RIPOR2: variants seen among roughly 807,000 people sequenced by gnomAD.
The protein encoded by RIPOR2 is RHO family interacting cell polarization regulator 2.
In RIPOR2, 39 loss-of-function variants were observed where a neutral mutation model predicts 114.5. That is an observed-to-expected ratio of 0.34 (90% CI 0.26 to 0.44). RIPOR2 has a LOEUF of 0.44. Ranked by LOEUF, RIPOR2 falls within the 20% of genes least tolerant of loss-of-function variation. RIPOR2 has a pLI of 1.00. For missense variants in RIPOR2, 1,007 were observed against 1,255.1 expected, an observed-to-expected ratio of 0.80 and a Z score of 2.99; for synonymous variants, 445 against 484.4, an observed-to-expected ratio of 0.92 and a Z score of 1.07.
chr6:25,027,251 T>C (rs11970700), intron 1 of RIPOR2, among the ~76,000 whole-genome samples: 2,202 of 152,310 alleles, frequency 0.014, 41 homozygotes, highest in African/African-American at 0.05. Flanking sequence ...TCGATTCACC[T>C]AGCTTTGCTT....
chr6:24,984,560 C>G (rs144116616), intron 1 of RIPOR2, among the ~76,000 whole-genome samples: 2 of 151,480 alleles, frequency 1.3e-5, no homozygotes, highest in African/African-American at 4.9e-5. Context: ...GAGCTGGGCC[C>G]GGTGGTGCAC....
intron 19 of RIPOR2, among the ~76,000 whole-genome samples, chr6:24,819,300 G>T (rs923784872): frequency 1.3e-5 from 2 of 152,046 alleles, no homozygotes; most frequent in South Asian, 4.1e-4. Flanking sequence ...GAGTGCCAGG[G>T]TAAGTTTCAC....
rs1310626563 is a variant in RIPOR2 at position 25,003,422 on chromosome 6, T to TCA, written c.76+38428_76+38429insTG. 1.7e-4 allele frequency among the ~76,000 whole-genome samples: 25 copies of TCA among 147,594 alleles called. No homozygotes were observed. The East Asian group carries it at 2.2e-3, about 13-fold the overall frequency. On this transcript the variant is annotated intron_variant, in intron 1 of 13. Coordinates refer to the RIPOR2 transcript ENST00000510784. ...ATTATTATTATTATTATTATTATTA[T>TCA]TATCATCTCCTTTTTCTTCTTTTCG...
At chr6:24,973,128 CA>C (rs1413011634) in intron 1 of RIPOR2, among the ~76,000 whole-genome samples, 2 of 152,152 alleles carry the variant, frequency 1.3e-5, no homozygotes, top group African/African-American at 4.8e-5. Flanking sequence ...TCTGAATAAA[CA>C]TTTCTCCAAA....
intron 1 of RIPOR2, among the ~76,000 whole-genome samples, chr6:24,959,937 T>A (rs1016903440): frequency 2.0e-5 from 3 of 152,220 alleles, no homozygotes; most frequent in East Asian, 3.9e-4. Flanking sequence ...CTGGTTTTTA[T>A]CTACATTAAA....
At chr6:24,872,286 C>G (rs1482669803) in intron 4 of RIPOR2, among the ~76,000 whole-genome samples, 1 of 152,144 alleles carries the variant, frequency 6.6e-6, no homozygotes, top group African/African-American at 2.4e-5. Flanking sequence ...GTGGTTACTC[C>G]TTTGAGCCTC....
At chr6:24,839,404 A>G in intron 13 of RIPOR2, 132 bp from the exon 14 acceptor site, 1 of 1,437,312 alleles carries the variant, frequency 7.0e-7, no homozygotes, top group Non-Finnish European at 9.2e-7. Flanking sequence ...CATTTAAAAA[A>G]TGCATTTAAA....
At chr6:24,966,833 A>G (rs895751073) in intron 1 of RIPOR2, among the ~76,000 whole-genome samples, 3 of 152,200 alleles carry the variant, frequency 2.0e-5, no homozygotes, top group Non-Finnish European at 4.4e-5. Context: ...AATTAAATAT[A>G]TATTTATGCT....
chr6:24,846,634 A>G (rs1354907392), intron 12 of RIPOR2, among the ~76,000 whole-genome samples: 1 of 151,882 alleles, frequency 6.6e-6, no homozygotes, highest in Non-Finnish European at 1.5e-5. Flanking sequence ...TTCAATGAAA[A>G]CGATGCAATT....
intron 1 of RIPOR2, among the ~76,000 whole-genome samples, chr6:24,896,985 T>A (rs1471387871): frequency 6.6e-6 from 1 of 152,204 alleles, no homozygotes; most frequent in Non-Finnish European, 1.5e-5. Flanking sequence ...GAAGGAATGA[T>A]TTTTAAGAGC....
intron 1 of RIPOR2, among the ~76,000 whole-genome samples, chr6:24,965,265 G>A (rs1773477050): frequency 6.6e-6 from 1 of 151,998 alleles, no homozygotes; most frequent in African/African-American, 2.4e-5. Context: ...AGCTTCATGA[G>A]TAGCTAGGAC....
Position 25,007,248 on chromosome 6 carries a change from C to T in RIPOR2, c.76+34603G>A, listed in dbSNP as rs559573874. Among the ~76,000 whole-genome samples the T allele has an allele frequency of 1.3e-4, 20 of 152,300 alleles. No individual in the cohort carries two copies. In the South Asian group the frequency reaches 3.9e-3, roughly 30 times the overall value. On this transcript the variant is annotated intron_variant, in intron 1 of 13. Coordinates refer to the RIPOR2 transcript ENST00000510784. ...GAACAGAGGCTATTCTGTGTCTACA[C>T]GGTAAGCTGGATCTTCTAGTCCACC...
chr6:24,976,283 A>G, intron 1 of RIPOR2: 3 of 658,246 alleles, frequency 4.6e-6, no homozygotes, highest in Non-Finnish European at 7.9e-6. Context: ...TAGAACGTAT[A>G]TATGCCTTGA....
At chr6:24,840,219 C>G (rs1398566786) in intron 13 of RIPOR2, 3 of 997,680 alleles carry the variant, frequency 3.0e-6, no homozygotes, top group Non-Finnish European at 3.6e-6. Context: ...GTTGGGATTA[C>G]AGGCATGAGC....
chr6:24,968,458 T>G (rs986702965), intron 1 of RIPOR2, among the ~76,000 whole-genome samples: 7 of 152,216 alleles, frequency 4.6e-5, no homozygotes, highest in Admixed American at 1.3e-4. Flanking sequence ...TTGGACCACC[T>G]GTGGATTAGA....
At chr6:24,876,289 TA>T (rs959048920) in intron 1 of RIPOR2, among the ~76,000 whole-genome samples, 28 of 149,792 alleles carry the variant, frequency 1.9e-4, no homozygotes, top group African/African-American at 6.4e-4. Flanking sequence ...AAACTCTGTC[TA>T]AAAAAAAAGA....
chr6:24,991,331 G>C (rs532145798), intron 1 of RIPOR2, among the ~76,000 whole-genome samples: 228 of 152,246 alleles, frequency 1.5e-3, no homozygotes, highest in African/African-American at 5.4e-3. Context: ...TTCTTGCTAT[G>C]TATTTTAAAT....
rs1780756362 is a variant in RIPOR2 at position 24,806,147 on chromosome 6, T to A, written c.*226A>T. On this transcript the variant is annotated 3_prime_UTR_variant, in exon 22 of 22. Transcript: ENST00000643898. ...CTATTTTTTTTGTAGAGACAGGGCC[T>A]TGCTATGTTGCCCAGGTTGGTCTTG... is the stretch of plus-strand genomic sequence containing the variant. 1 of 529,586 alleles carries A rather than the reference T, an allele frequency of 1.9e-6. No individual in the cohort carries two copies. Among genetic ancestry groups the A allele is most frequent in the South Asian group, 2.6e-5 (1 of 38,386 alleles). 32.8% of individuals were successfully genotyped at this position (529,586 alleles called of 1,614,324 possible).
intron 1 of RIPOR2, among the ~76,000 whole-genome samples, chr6:24,947,519 G>A (rs1166744084): frequency 2.6e-5 from 4 of 152,148 alleles, no homozygotes; most frequent in Admixed American, 2.6e-4. Flanking sequence ...AAAAGAAAAC[G>A]TGTCCTGTGG....
Sources: allele counts gnomAD v4.1 joint callset (sites outside exome capture counted in the v4.1 genomes callset), GRCh38; gene constraint gnomAD v4.1.1; transcripts MANE v1.5; gene names NCBI Gene and HGNC (gene_info 2026-07-23, HGNC 2026-07-21).